EPB41L3: variants seen among roughly 807,000 people sequenced by gnomAD.
The protein encoded by EPB41L3 is erythrocyte membrane protein band 4.1 like 3, also known as band 4.1-like protein 3.
Under a neutral mutation model 127.1 loss-of-function variants are expected in EPB41L3, and 57 were observed. The observed-to-expected ratio is 0.45, with a 90% CI of 0.36 to 0.56. EPB41L3 has a LOEUF of 0.56. EPB41L3 is among the 20% of genes least tolerant of loss of function. The pLI is 0.00. For missense variants in EPB41L3, 1,273 were observed against 1,372.2 expected (o/e 0.93, Z 1.14); for synonymous variants, 572 against 549.5 (o/e 1.04, Z -0.57).
At position 5,543,670 on chromosome 18, in the gene EPB41L3, G is replaced by A. The variant is rs1474640980; in HGVS notation, c.-12+243C>T. ...CAGCCACTACTGCGCCGCGGCGGGC[G>A]GAGCGGGCGGGGGGCGCGGCGCGCA... is the stretch of plus-strand genomic sequence containing the variant. On this transcript the variant is annotated intron_variant, in intron 1 of 22. Transcript: ENST00000341928. This position sits in a 1 kb window ranked among gnomAD's most constrained non-coding sequence, Gnocchi z 5.2. Among the ~76,000 whole-genome samples the A allele has an allele frequency of 6.8e-6, 1 of 146,890 alleles. No homozygotes were observed. Among genetic ancestry groups the A allele is most frequent in the African/African-American group, 2.4e-5 (1 of 40,854 alleles).
chr18:5,596,288 G>T (rs561187891), intron 3 of EPB41L3, among the ~76,000 whole-genome samples: 1 of 152,322 alleles, frequency 6.6e-6, no homozygotes, highest in East Asian at 1.9e-4. Flanking sequence ...TGTAGGTCCT[G>T]GGGCCAAGGA....
At chr18:5,429,906 C>T (rs1369346596) in intron 8 of EPB41L3, among the ~76,000 whole-genome samples, 1 of 152,152 alleles carries the variant, frequency 6.6e-6, no homozygotes, top group Non-Finnish European at 1.5e-5. Context: ...GTCTGCGCCA[C>T]CACTCAGAGA....
Position 5,415,876 on chromosome 18 carries a change from T to C in EPB41L3, c.2009A>G (p.Lys670Arg). ...TAGGGAGGCGCTCAAGGAGGCCGCC[T>C]TGGGCTCCAGGTAGCAGAGGCACAG... is the stretch of plus-strand genomic sequence containing the variant. ...LALCLCYLEPKAASLSASLDN... is the reference protein window; with the variant it reads ...LALCLCYLEPRAASLSASLDN... Residue 670 changes from lysine to arginine, a missense_variant, in exon 13 of 23, where the codon AAG (lysine) becomes AGG (arginine). Around this residue, in one of 3 missense-constraint regions of EPB41L3, gnomAD observed 765 missense variants for 782.9 expected, o/e 0.98. Coordinates refer to ENST00000341928, the MANE Select transcript of EPB41L3 (RefSeq NM_012307.5). 2 of 1,613,682 alleles carry C rather than the reference T, an allele frequency of 1.2e-6. No individual in the cohort carries two copies. The highest frequency in any genetic ancestry group is 2.2e-5 in the East Asian group (1 of 44,876).
At chr18:5,495,738 G>A (rs577075448) in intron 1 of EPB41L3, among the ~76,000 whole-genome samples, 7 of 152,314 alleles carry the variant, frequency 4.6e-5, no homozygotes, top group Admixed American at 2.6e-4. Flanking sequence ...GCACTGTGAC[G>A]GGGCAGGAAA....
rs142356164 is a variant in EPB41L3, at chr18:5,419,429, G to A, written c.1506+282C>T. 1.4e-3 allele frequency among the ~76,000 whole-genome samples: 219 copies of A among 152,220 alleles called. 3 individuals carry two copies. The highest frequency in any genetic ancestry group is 5.2e-3 in the African/African-American group (214 of 41,516). Reference sequence around the variant, plus strand: ...GAGCCCAAACAGAAAAGTGTAATACGCCACCAAAAGTATTTTTAAGATACA... The same window carrying A: ...GAGCCCAAACAGAAAAGTGTAATACACCACCAAAAGTATTTTTAAGATACA... On this transcript the variant is annotated intron_variant, in intron 12 of 22. Coordinates refer to ENST00000341928, the MANE Select transcript of EPB41L3 (RefSeq NM_012307.5).
rs1370573419 is a variant in EPB41L3 at position 5,565,612 on chromosome 18, TC to T, written c.-306+46727del. 3.4e-4 allele frequency among the ~76,000 whole-genome samples: 9 copies of T among 26,718 alleles called. No homozygotes were observed. The East Asian group carries it at 0.013, about 40-fold the overall frequency. 17.5% of individuals were successfully genotyped at this position (26,718 alleles called of 152,430 possible). ...TAATGTTATTGTTATCCCTCCCCCC[TC>T]CCCCCTCCCCCCACCCCACAACAGG... On this transcript the variant is annotated intron_variant, in intron 3 of 21. Coordinates refer to the EPB41L3 transcript ENST00000545076.
At chr18:5,446,752 G>C (rs1425872814) in intron 3 of EPB41L3, among the ~76,000 whole-genome samples, 1 of 152,098 alleles carries the variant, frequency 6.6e-6, no homozygotes, top group African/African-American at 2.4e-5. Context: ...AATAATCGAT[G>C]ATGTATTTGG....
intron 1 of EPB41L3, among the ~76,000 whole-genome samples, chr18:5,538,995 ATTTTT>A (rs757227800): frequency 1.1e-3 from 121 of 115,184 alleles, no homozygotes; most frequent in African/African-American, 3.5e-3. Flanking sequence ...TTTCTCCAAG[ATTTTT>A]TTTTTTTTTT....
intron 1 of EPB41L3, among the ~76,000 whole-genome samples, chr18:5,501,384 T>C (rs1280189402): frequency 6.6e-6 from 1 of 152,176 alleles, no homozygotes; most frequent in African/African-American, 2.4e-5. Flanking sequence ...GGGATCTAAT[T>C]CAATCTGACC....
chr18:5,507,846 G>A (rs775472345), intron 1 of EPB41L3, among the ~76,000 whole-genome samples: 1 of 152,114 alleles, frequency 6.6e-6, no homozygotes, highest in Non-Finnish European at 1.5e-5. Context: ...TTAAGATCAC[G>A]AGTGCTAATA....
In EPB41L3 at chr18:5,543,624, C is replaced by T. The variant is rs1241330667; in HGVS notation, c.-12+289G>A. On this transcript the variant is annotated intron_variant, in intron 1 of 22. Transcript: ENST00000341928. The surrounding 1 kb of genome is among the most constrained non-coding windows in gnomAD (Gnocchi z 5.2). ...GAGGCCCCCAGGCCGGAGGCCGGGG[C>T]TCAGGCTCTGCGCGCCGGCCCAGCC... 6.8e-6 allele frequency among the ~76,000 whole-genome samples: 1 copy of T among 147,210 alleles called. No individual in the cohort carries two copies. Among genetic ancestry groups the T allele is most frequent in the Non-Finnish European group, 1.5e-5 (1 of 66,090 alleles).
rs189802937 is a variant in EPB41L3, at chr18:5,610,917, G to A, written c.-306+1423C>T. On this transcript the variant is annotated intron_variant, in intron 3 of 21. Transcript: ENST00000545076. ...ATTGCTCTATCAGGGAAGAAATTTT[G>A]CAGCATAAAATCACATAGAACATAT... Among the ~76,000 whole-genome samples the A allele has an allele frequency of 3.3e-5, 5 of 152,198 alleles. No homozygotes were observed. In the East Asian group the frequency reaches 7.7e-4, roughly 24 times the overall value.
At chr18:5,489,399 T>C (rs1031680160) in intron 1 of EPB41L3, 4 of 530,424 alleles carry the variant, frequency 7.5e-6, no homozygotes, top group East Asian at 3.5e-5. Context: ...AAACTAACAT[T>C]TATCTAGGAG....
intron 3 of EPB41L3, among the ~76,000 whole-genome samples, chr18:5,457,163 C>A (rs8089129): frequency 0.015 from 1,082 of 74,512 alleles, 11 homozygotes; most frequent in African/African-American, 0.034. Flanking sequence ...ATAGGTACAG[C>A]CTTTTCCTGT....
chr18:5,422,149 T>C (rs2077554037), intron 11 of EPB41L3, among the ~76,000 whole-genome samples: 1 of 152,080 alleles, frequency 6.6e-6, no homozygotes, highest in Non-Finnish European at 1.5e-5. Flanking sequence ...AAATCATTTG[T>C]CAACCACCGC....
rs141190287 is a variant in EPB41L3 at position 5,424,351 on chromosome 18, T to C, written c.1074A>G (p.Gln358=). The change falls in exon 10 of 23, where the codon CAA becomes CAG. Residue 358 remains glutamine (Q), a synonymous_variant. Coordinates refer to ENST00000341928, the MANE Select transcript of EPB41L3 (RefSeq NM_012307.5). ...YIKIRPGEFE[Q]FESTIGFKLP... ...GCTTAAACCCAATGGTGCTTTCAAA[T>C]TGTTCAAACTAAATAAAAAAAAATA... 3.8e-4 allele frequency: 601 copies of C among 1,593,640 alleles called. No individual in the cohort carries two copies. In the African/African-American group the frequency reaches 7.4e-3, roughly 20 times the overall value.
At chr18:5,402,810 C>T (rs957477218) in intron 16 of EPB41L3, among the ~76,000 whole-genome samples, 12 of 152,066 alleles carry the variant, frequency 7.9e-5, no homozygotes, top group African/African-American at 1.9e-4. Flanking sequence ...CCTATACTGG[C>T]GCACAAAATT....
intron 1 of EPB41L3, among the ~76,000 whole-genome samples, chr18:5,509,242 A>G (rs2092392914): frequency 6.6e-6 from 1 of 152,170 alleles, no homozygotes; most frequent in Non-Finnish European, 1.5e-5. Flanking sequence ...AGGGCTCAGG[A>G]CCTCACCTGG....
chr18:5,541,590 A>G (rs2093732337), intron 1 of EPB41L3, among the ~76,000 whole-genome samples: 2 of 152,206 alleles, frequency 1.3e-5, no homozygotes, highest in Non-Finnish European at 2.9e-5. Context: ...ACATTTGACC[A>G]ACCAGTTTTT....
Sources: gnomAD v4.1 joint callset for allele counts (sites outside exome capture counted in the v4.1 genomes callset) on GRCh38, gnomAD v4.1.1 for gene constraint, gnomAD v4.1.1 regional missense constraint, Gnocchi (gnomAD v3.1) non-coding constraint, MANE v1.5 for transcripts, NCBI Gene and HGNC (gene_info 2026-07-23, HGNC 2026-07-21) for gene names.